The following DENND4A variants were observed in gnomAD, a reference collection of about 807,000 sequenced individuals.
DENND4A encodes the protein DENN domain containing 4A, also known as C-myc promoter-binding protein.
Under a neutral mutation model 199.3 loss-of-function variants are expected in DENND4A, and 70 were observed. The ratio of observed to expected loss-of-function variants is 0.35; its 90% CI spans 0.29 to 0.43. The LOEUF is 0.43. Ranked by LOEUF, DENND4A falls within the 20% of genes least tolerant of loss-of-function variation. DENND4A has a pLI of 1.00. For missense variants in DENND4A, 1,723 were observed against 2,255.8 expected (o/e 0.76, Z 4.78); for synonymous variants, 686 against 766.9 (o/e 0.89, Z 1.74).
chr15:65,772,060 G>A, intron 1 of DENND4A: 3 of 1,274,308 alleles, frequency 2.4e-6, no homozygotes, highest in East Asian at 2.4e-5. Context: ...AGGAAACGCT[G>A]GGCCTTCTCG....
At chr15:65,729,379 CTA>C (rs1381281462) in intron 10 of DENND4A, 132 bp from the exon 11 acceptor site, 29 of 1,364,240 alleles carry the variant, frequency 2.1e-5, no homozygotes, top group Admixed American at 4.0e-5. Context: ...ATAATTATAA[CTA>C]GAGTTAATGG....
At position 65,788,077 on chromosome 15, in the gene DENND4A, A is replaced by AT. The variant is rs201917436; in HGVS notation, c.-102+3932dup. ...CAAGGTTAGTGCTGGTTATTTATTT[A>AT]TTTATTTTTTTTTTTTTGAGACAGA... is the stretch of plus-strand genomic sequence containing the variant. On this transcript the variant is annotated intron_variant, in intron 1 of 32. Transcript: ENST00000443035. Among the ~76,000 whole-genome samples the AT allele has an allele frequency of 9.8e-4, 147 of 149,658 alleles. 2 individuals are homozygous for AT. Among genetic ancestry groups the AT allele is most frequent in the East Asian group, 5.2e-3 (26 of 5,014 alleles).
At chr15:65,695,805 T>C (rs890987590) in intron 22 of DENND4A, among the ~76,000 whole-genome samples, 7 of 152,136 alleles carry the variant, frequency 4.6e-5, no homozygotes, top group Non-Finnish European at 7.4e-5. Flanking sequence ...CTATTAACTA[T>C]TGATAATTTA....
chr15:65,762,525 A>G (rs1036748698), intron 1 of DENND4A, among the ~76,000 whole-genome samples: 2 of 152,096 alleles, frequency 1.3e-5, no homozygotes, highest in Middle Eastern at 3.4e-3. Context: ...GCTACTCAGG[A>G]GACTGAGGCA....
chr15:65,701,783 A>G lies in DENND4A; in HGVS notation c.2538T>C (p.Ile846=). ...TTACCTTATTATAATAACCATAAGT[A>G]ATGGCATTGGGGTCAATACCAGCTT... ...MQKAGIDPNA[I]TYGYYNKAVL... is the part of the protein sequence containing the mutation. The change falls in exon 18 of 33, where the codon ATT becomes ATC. Residue 846 remains isoleucine (I), a synonymous_variant. Coordinates refer to ENST00000443035, the MANE Select transcript of DENND4A (RefSeq NM_001320835.1). 4 of 1,613,598 alleles carry G rather than the reference A, an allele frequency of 2.5e-6. No homozygotes were observed. Among genetic ancestry groups the G allele is most frequent in the Non-Finnish European group, 3.4e-6 (4 of 1,179,546 alleles).
chr15:65,769,817 A>C (rs1194907877), intron 1 of DENND4A, among the ~76,000 whole-genome samples: 1 of 152,186 alleles, frequency 6.6e-6, no homozygotes, highest in Non-Finnish European at 1.5e-5. Context: ...AGTACCAAAG[A>C]TATGTTTATG....
chr15:65,687,417 A>G (rs1261783743), intron 23 of DENND4A, among the ~76,000 whole-genome samples: 1 of 151,534 alleles, frequency 6.6e-6, no homozygotes, highest in African/African-American at 2.4e-5. Context: ...TCAGTTTAGG[A>G]GGCAAAAAAG....
chr15:65,683,499 C>T (rs1233597224), intron 23 of DENND4A, among the ~76,000 whole-genome samples: 1 of 152,168 alleles, frequency 6.6e-6, no homozygotes, highest in Non-Finnish European at 1.5e-5. Context: ...CTTCTAACTA[C>T]AGCACTTAAA....
chr15:65,725,410 C>T (rs372581227), intron 11 of DENND4A, among the ~76,000 whole-genome samples: 1 of 152,168 alleles, frequency 6.6e-6, no homozygotes, highest in African/African-American at 2.4e-5. Context: ...GGCGCGGTGG[C>T]TCACGCCTGT....
At chr15:65,754,779 G>C (rs1256126670) in intron 3 of DENND4A, among the ~76,000 whole-genome samples, 1 of 152,302 alleles carries the variant, frequency 6.6e-6, no homozygotes, top group Non-Finnish European at 1.5e-5. Flanking sequence ...CTAGGACATG[G>C]AGAAATTGGA....
intron 4 of DENND4A, among the ~76,000 whole-genome samples, chr15:65,752,129 G>GT (rs1397322145): frequency 4.9e-4 from 73 of 147,990 alleles, no homozygotes; most frequent in Admixed American, 4.7e-4. Flanking sequence ...GTAGTGGGCG[G>GT]GGGGGGTGGG....
intron 8 of DENND4A, 46 bp downstream of exon 8, chr15:65,732,706 C>G (rs1236785937): frequency 9.0e-7 from 1 of 1,105,846 alleles, no homozygotes; most frequent in South Asian, 1.4e-5. Context: ...TTGACAGAGC[C>G]AATAACAACT....
chr15:65,741,163 C>T (rs1441246630), intron 5 of DENND4A, among the ~76,000 whole-genome samples: 5 of 152,066 alleles, frequency 3.3e-5, no homozygotes, highest in Non-Finnish European at 7.4e-5. Flanking sequence ...AGCAATCCTC[C>T]TGCCTCAGCC....
Position 65,661,807 on chromosome 15 carries a change from T to C in DENND4A, c.*44A>G, listed in dbSNP as rs780913747. On this transcript the variant is annotated 3_prime_UTR_variant, in exon 33 of 33. Coordinates refer to ENST00000443035, the MANE Select transcript of DENND4A (RefSeq NM_001320835.1). The stretch of plus-strand genomic sequence containing the variant: ...AGTCTAAAAGTGTTATTTTATACAC[T>C]GACTATACAATATACATTGAATGTT... 7.4e-6 allele frequency: 11 copies of C among 1,489,704 alleles called. No individual in the cohort carries two copies. The African/African-American group carries it at 1.4e-4, about 19-fold the overall frequency. 92.3% of individuals were successfully genotyped at this position (1,489,704 alleles called of 1,614,324 possible).
In DENND4A at chr15:65,789,944, T is replaced by G. The variant is rs527341616; in HGVS notation, c.-102+2066A>C. Among the ~76,000 whole-genome samples, 76 of 152,282 alleles carry G rather than the reference T, an allele frequency of 5.0e-4. 1 individual carries two copies. In the Middle Eastern group the frequency reaches 0.01, roughly 20 times the overall value. Reference sequence around the variant, plus strand: ...GCCAAGGCGGGCAGATTGCTTGGGCTCACGAGTTCAAAACCAGTCTGGGCA... The same window carrying G: ...GCCAAGGCGGGCAGATTGCTTGGGCGCACGAGTTCAAAACCAGTCTGGGCA... On this transcript the variant is annotated intron_variant, in intron 1 of 32. Coordinates refer to ENST00000443035, the MANE Select transcript of DENND4A (RefSeq NM_001320835.1).
At position 65,660,408 on chromosome 15, in the gene DENND4A, G is replaced by T; in HGVS notation, c.*1443C>A. ...AGATACCTCCAGTCCAAGTGTCGTG[G>T]ACTCTACTGGCTTTATACACCTAAT... On this transcript the variant is annotated 3_prime_UTR_variant, in exon 33 of 33. Transcript: ENST00000443035. 1 of 1,011,260 alleles carries T rather than the reference G, an allele frequency of 9.9e-7. No individual in the cohort carries two copies. Among genetic ancestry groups the T allele is most frequent in the Non-Finnish European group, 1.5e-6 (1 of 676,732 alleles). The allele number at this position is 1,011,260 out of a possible 1,614,324, so 62.6% of individuals were successfully genotyped here. A position where few individuals can be genotyped will look rare whatever the true frequency, so the allele number is the denominator to read the frequency against.
intron 30 of DENND4A, 111 bp downstream of exon 30, chr15:65,665,234 C>T: frequency 1.3e-6 from 1 of 778,450 alleles, no homozygotes; most frequent in Non-Finnish European, 2.0e-6. Flanking sequence ...ACCTGTAAGA[C>T]AAAAAGTAGT....
chr15:65,780,546 T>C (rs2140961200), intron 1 of DENND4A, among the ~76,000 whole-genome samples: 1 of 152,342 alleles, frequency 6.6e-6, no homozygotes, highest in Admixed American at 6.5e-5. Context: ...TTCCATGACA[T>C]TTTCAAAAGC....
chr15:65,782,596 C>G (rs1253842118), intron 1 of DENND4A, among the ~76,000 whole-genome samples: 1 of 151,984 alleles, frequency 6.6e-6, no homozygotes, highest in African/African-American at 2.4e-5. Context: ...TTAACTTCTT[C>G]AACTTTAAAA....
Sources: allele counts gnomAD v4.1 joint callset (sites outside exome capture counted in the v4.1 genomes callset), GRCh38; gene constraint gnomAD v4.1.1; transcripts MANE v1.5; gene names NCBI Gene and HGNC (gene_info 2026-07-23, HGNC 2026-07-21).